PIK3IP1: variants seen among roughly 807,000 people sequenced by gnomAD.
PIK3IP1 encodes the protein phosphoinositide-3-kinase-interacting protein 1.
PIK3IP1 carries 28 observed loss-of-function variants against 30.7 expected under a neutral mutation model. The ratio of observed to expected loss-of-function variants is 0.91; its 90% CI spans 0.68 to 1.25. The LOEUF (loss-of-function observed/expected upper bound fraction) is 1.25, where lower values mean the gene tolerates loss of function less well. Among genes scored for constraint, PIK3IP1 ranks in the 50% most tolerant of loss-of-function variants. The pLI is 0.00. For missense variants in PIK3IP1, 333 were observed against 346.2 expected, an observed-to-expected ratio of 0.96 and a Z score of 0.30; for synonymous variants, 159 against 140.8, an observed-to-expected ratio of 1.13 and a Z score of -0.91.
At chr22:31,288,649 C>T (rs894552581) in intron 5 of PIK3IP1, among the ~76,000 whole-genome samples, 2 of 152,232 alleles carry the variant, frequency 1.3e-5, no homozygotes, top group Non-Finnish European at 2.9e-5. Flanking sequence ...ACGGACATCT[C>T]GTGGGACCTT....
chr22:31,289,461 T>A (rs1277707704), intron 4 of PIK3IP1, 38 bp downstream of exon 4: 1 of 1,554,614 alleles, frequency 6.4e-7, no homozygotes, highest in South Asian at 1.2e-5. Context: ...CATCTCTTGA[T>A]GAATCCCAAC....
chr22:31,291,484 C>T (rs1023038303), intron 1 of PIK3IP1, among the ~76,000 whole-genome samples, 188 bp from the exon 2 acceptor site: 1 of 144,642 alleles, frequency 6.9e-6, no homozygotes, highest in Non-Finnish European at 1.5e-5. Flanking sequence ...CCCCCCCCAA[C>T]TCCACGCACA....
At chr22:31,291,678 G>A (rs2049180889) in intron 1 of PIK3IP1, among the ~76,000 whole-genome samples, 2 of 152,206 alleles carry the variant, frequency 1.3e-5, no homozygotes, top group African/African-American at 4.8e-5. Flanking sequence ...GTCCCTTTGA[G>A]GAGCTGGGAG....
chr22:31,289,772 G>T lies in PIK3IP1; in HGVS notation c.308-73C>A, dbSNP rs562574415. On this transcript the variant is annotated intron_variant, in intron 3 of 5. Transcript: ENST00000215912. Reference sequence around the variant, plus strand: ...AATTCCACAGCTGAACCTGGCCTGAGTGTTAGGGTAGATGAAGGTGGGTCA... The same window carrying T: ...AATTCCACAGCTGAACCTGGCCTGATTGTTAGGGTAGATGAAGGTGGGTCA... 7 of 1,483,800 alleles carry T rather than the reference G, an allele frequency of 4.7e-6. No individual in the cohort carries two copies. The African/African-American group carries it at 8.4e-5, about 18-fold the overall frequency. The allele number at this position is 1,483,800 out of a possible 1,614,324, so 91.9% of individuals were successfully genotyped here.
At chr22:31,286,600 T>A (rs1392415603) in intron 5 of PIK3IP1, among the ~76,000 whole-genome samples, 1 of 152,164 alleles carries the variant, frequency 6.6e-6, no homozygotes, top group African/African-American at 2.4e-5. Flanking sequence ...CTCAGGGCAG[T>A]CTCGTGACAG....
intron 4 of PIK3IP1, 42 bp from the exon 5 acceptor site, chr22:31,289,435 G>A (rs1311269171): frequency 1.9e-6 from 3 of 1,570,946 alleles, no homozygotes; most frequent in East Asian, 2.3e-5. Flanking sequence ...CCACACCCTA[G>A]ACAATCAGCA....
At chr22:31,292,066 G>A (rs1257732044) in intron 1 of PIK3IP1, among the ~76,000 whole-genome samples, 4 of 152,202 alleles carry the variant, frequency 2.6e-5, no homozygotes, top group African/African-American at 7.2e-5. Context: ...GAAAGGCAGA[G>A]AGAAAGTGGC....
At chr22:31,288,063 C>T (rs1028711469) in intron 5 of PIK3IP1, among the ~76,000 whole-genome samples, 1 of 152,180 alleles carries the variant, frequency 6.6e-6, no homozygotes, top group Non-Finnish European at 1.5e-5. Context: ...AGGCTGTGGG[C>T]TCAGACATGG....
chr22:31,283,910 CTT>C (rs1372269913), intron 5 of PIK3IP1, among the ~76,000 whole-genome samples: 1 of 147,478 alleles, frequency 6.8e-6, no homozygotes. Context: ...CAGCTACAGG[CTT>C]TTTTTTTTGG....
intron 5 of PIK3IP1, chr22:31,288,925 A>G: frequency 5.3e-6 from 2 of 375,822 alleles, no homozygotes; most frequent in Non-Finnish European, 9.5e-6. Context: ...GGTCCCTGCA[A>G]TCAGTGTCAA....
Position 31,289,695 on chromosome 22 carries a change from G to C in PIK3IP1, c.312C>G (p.Thr104=). Residue 104 remains threonine (T), a synonymous_variant, in exon 4 of 6, where the codon ACC becomes ACG. Transcript: ENST00000215912. ...RPCEDLRCPE[T]TSQALPAFTT... Reference sequence around the variant, plus strand: ...TGAAGGCTGGCAGGGCCTGGGAGGTGGTCTCTGGAGATGAGGTGGGAAACA... The same window carrying C: ...TGAAGGCTGGCAGGGCCTGGGAGGTCGTCTCTGGAGATGAGGTGGGAAACA... 1 of 1,552,090 alleles carries C rather than the reference G, an allele frequency of 6.4e-7. No homozygotes were observed. The highest frequency in any genetic ancestry group is 8.7e-7 in the Non-Finnish European group (1 of 1,147,136).
chr22:31,290,848 C>T, intron 3 of PIK3IP1, 117 bp downstream of exon 3: 8 of 1,383,116 alleles, frequency 5.8e-6, no homozygotes, highest in Non-Finnish European at 7.5e-6. Context: ...GCCAATCGGA[C>T]GGCGCGGAGG....
rs2049097385 is a variant in PIK3IP1, at chr22:31,282,510, C to CTT, written c.*573_*574insAA. On this transcript the variant is annotated 3_prime_UTR_variant, in exon 6 of 6. Coordinates refer to ENST00000215912, the MANE Select transcript of PIK3IP1 (RefSeq NM_052880.5). ...GTCAAGGCACATCATTGCCAGCAAG[C>CTT]TGAAGCATACCAGCAGCCACAACCT... 2 of 152,976 alleles carry CTT rather than the reference C, an allele frequency of 1.3e-5. No individual in the cohort carries two copies. The highest frequency in any genetic ancestry group is 4.8e-5 in the African/African-American group (2 of 41,440). 9.5% of individuals were successfully genotyped at this position (152,976 alleles called of 1,614,324 possible).
intron 5 of PIK3IP1, among the ~76,000 whole-genome samples, chr22:31,284,640 C>T (rs1259303765): frequency 2.6e-5 from 4 of 152,192 alleles, no homozygotes; most frequent in Non-Finnish European, 5.9e-5. Context: ...TGTTGTGTGG[C>T]AGCCAAGAAA....
At position 31,289,544 on chromosome 22, in the gene PIK3IP1, G is replaced by A. The variant is rs866587054; in HGVS notation, c.463C>T (p.Arg155Trp). ...AVQPVIGISQ[R>W]VRMNSKEKKD... ...TTCTCCTTGGAGTTCATCCGCACCCGCTGGCTGATCCCAATCACTGGCTGC... is the reference window on the plus strand; with the variant it reads ...TTCTCCTTGGAGTTCATCCGCACCCACTGGCTGATCCCAATCACTGGCTGC... Residue 155 changes from arginine to tryptophan, a missense_variant, in exon 4 of 6, where the codon CGG (arginine) becomes TGG (tryptophan). Around this residue, in one of 3 missense-constraint regions of PIK3IP1, gnomAD observed 217 missense variants for 227.7 expected, o/e 0.95. Transcript: ENST00000215912. 2 of 1,551,832 alleles carry A rather than the reference G, an allele frequency of 1.3e-6. No individual in the cohort carries two copies. The highest frequency in any genetic ancestry group is 1.7e-4 in the Middle Eastern group (1 of 5,888).
rs568284460 is a variant in PIK3IP1, at chr22:31,283,593, C to CT, written c.588-306dup. Among the ~76,000 whole-genome samples the CT allele has an allele frequency of 5.1e-3, 717 of 141,838 alleles. 3 individuals carry two copies. The highest frequency in any genetic ancestry group is 6.2e-3 in the Admixed American group (87 of 14,076). 93.1% of individuals were successfully genotyped at this position (141,838 alleles called of 152,430 possible). A position where few individuals can be genotyped will look rare whatever the true frequency, so the allele number is the denominator to read the frequency against. On this transcript the variant is annotated intron_variant, in intron 5 of 5. Coordinates refer to ENST00000215912, the MANE Select transcript of PIK3IP1 (RefSeq NM_052880.5). ...ATGAAAATAAAGTAAAGGACAGAGA[C>CT]TTTTTTTTTTTTTTTATGGTTGAGA... is the stretch of plus-strand genomic sequence containing the variant.
At chr22:31,286,345 A>T (rs775456288) in intron 5 of PIK3IP1, among the ~76,000 whole-genome samples, 2 of 152,198 alleles carry the variant, frequency 1.3e-5, no homozygotes, top group African/African-American at 2.4e-5. Context: ...AACAGACAAG[A>T]TACCAAGGCT....
chr22:31,288,093 C>T (rs554334283), intron 5 of PIK3IP1, among the ~76,000 whole-genome samples: 1 of 152,240 alleles, frequency 6.6e-6, no homozygotes, highest in South Asian at 2.1e-4. Flanking sequence ...CTGGAAAATG[C>T]AGGCTGCATG....
At chr22:31,290,701 G>T in intron 3 of PIK3IP1, 1 of 455,354 alleles carries the variant, frequency 2.2e-6, no homozygotes. Context: ...CACTCCTCAG[G>T]ACGCGCGGCG....
Sources: gnomAD v4.1 joint callset for allele counts (sites outside exome capture counted in the v4.1 genomes callset) on GRCh38, gnomAD v4.1.1 for gene constraint, gnomAD v4.1.1 regional missense constraint, MANE v1.5 for transcripts, NCBI Gene and HGNC (gene_info 2026-07-23, HGNC 2026-07-21) for gene names.